The following DCLRE1C variants were observed in gnomAD, a reference collection of about 807,000 sequenced individuals.
The protein encoded by DCLRE1C is DNA cross-link repair 1C.
DCLRE1C carries 47 observed loss-of-function variants against 61.4 expected under a neutral mutation model. The observed-to-expected ratio is 0.77, with a 90% CI of 0.61 to 0.98. The LOEUF (loss-of-function observed/expected upper bound fraction) is 0.98, where lower values mean the gene tolerates loss of function less well. DCLRE1C is among the 50% of genes least tolerant of loss of function. The pLI is 0.00. For missense variants in DCLRE1C, 858 were observed against 816.0 expected, an observed-to-expected ratio of 1.05 and a Z score of -0.63; for synonymous variants, 337 against 287.6, an observed-to-expected ratio of 1.17 and a Z score of -1.74.
chr10:14,917,621 C>T (rs34414949), intron 13 of DCLRE1C, among the ~76,000 whole-genome samples: 47,666 of 151,888 alleles, frequency 0.31, 8,923 homozygotes, highest in African/African-American at 0.52. Context: ...CTCAGGAGTC[C>T]GAGACCAGCT....
intron 1 of DCLRE1C, among the ~76,000 whole-genome samples, chr10:14,953,195 C>A (rs1050482641): frequency 6.6e-6 from 1 of 152,166 alleles, no homozygotes; most frequent in African/African-American, 2.4e-5. Context: ...CTTGTTAGCA[C>A]AATAGAAGTG....
intron 9 of DCLRE1C, among the ~76,000 whole-genome samples, chr10:14,931,377 G>A (rs1838959110): frequency 2.0e-5 from 3 of 151,944 alleles, no homozygotes. Context: ...GGCCAATATG[G>A]TGAAACCCTG....
downstream of DCLRE1C, among the ~76,000 whole-genome samples, chr10:14,900,458 G>A (rs1274830144): frequency 6.6e-6 from 1 of 152,148 alleles, no homozygotes; most frequent in Non-Finnish European, 1.5e-5. Context: ...AGAAATTGGT[G>A]TATGATTAGC....
chr10:14,954,108 C>A, upstream of DCLRE1C: 1 of 1,583,444 alleles, frequency 6.3e-7, no homozygotes, highest in African/African-American at 1.3e-5. Flanking sequence ...CGCGCTGCCT[C>A]GCCATTGGGC....
chr10:14,946,214 G>A (rs1439443439), intron 2 of DCLRE1C, among the ~76,000 whole-genome samples: 3 of 150,722 alleles, frequency 2.0e-5, no homozygotes, highest in African/African-American at 4.9e-5. Context: ...CACCGTGTTG[G>A]CCAGGCTGGT....
intron 4 of DCLRE1C, among the ~76,000 whole-genome samples, chr10:14,937,893 C>CG (rs1460240504): frequency 4.9e-5 from 2 of 40,638 alleles, no homozygotes; most frequent in Non-Finnish European, 1.0e-4. Context: ...GGCTCAGTCT[C>CG]AAAAAAAAAA....
At position 14,908,770 on chromosome 10, in the gene DCLRE1C, A is replaced by G. The variant is rs746439600; in HGVS notation, c.1717T>C (p.Leu573=). The part of the protein sequence containing the change: ...QERNSGDITS[L]DKADYRPTIK... Reference sequence around the variant, plus strand: ...GTTGGTCTGTAGTCAGCTTTGTCCAAGGAAGTAATATCCCCACTGTTTCTC... The same window carrying G: ...GTTGGTCTGTAGTCAGCTTTGTCCAGGGAAGTAATATCCCCACTGTTTCTC... The change falls in exon 14 of 14, where the codon TTG becomes CTG. Residue 573 remains leucine (L), a synonymous_variant. Coordinates refer to ENST00000378278, the MANE Select transcript of DCLRE1C (RefSeq NM_001033855.3). 2.5e-6 allele frequency: 4 copies of G among 1,614,214 alleles called. No individual in the cohort carries two copies. Among genetic ancestry groups the G allele is most frequent in the East Asian group, 2.2e-5 (1 of 44,880 alleles).
At chr10:14,948,701 C>T (rs910179247) in intron 2 of DCLRE1C, among the ~76,000 whole-genome samples, 2 of 151,494 alleles carry the variant, frequency 1.3e-5, no homozygotes, top group African/African-American at 4.9e-5. Flanking sequence ...CATAGCAAAA[C>T]TCCATCTCTG....
At position 14,906,685 on chromosome 10, in the gene DCLRE1C, A is replaced by T. The variant is rs1330772418; in HGVS notation, c.*1723T>A. Among the ~76,000 whole-genome samples, 1 of 152,166 alleles carries T rather than the reference A, an allele frequency of 6.6e-6. No individual in the cohort carries two copies. The highest frequency in any genetic ancestry group is 1.5e-5 in the Non-Finnish European group (1 of 68,028). The stretch of plus-strand genomic sequence containing the variant: ...GATAATGCATATCAAGTGTTAGTTT[A>T]ACTGATCTGCAAATTGTTTTAAGTG... On this transcript the variant is annotated 3_prime_UTR_variant, in exon 14 of 14. Transcript: ENST00000378278.
intron 12 of DCLRE1C, chr10:14,920,455 C>G (rs1455435540): frequency 2.0e-6 from 2 of 997,298 alleles, no homozygotes; most frequent in Non-Finnish European, 2.4e-6. Flanking sequence ...CTACAACATA[C>G]CATTTGAACA....
chr10:14,919,702 AG>A, intron 13 of DCLRE1C, 35 bp downstream of exon 13: 1 of 1,510,512 alleles, frequency 6.6e-7, no homozygotes, highest in Non-Finnish European at 9.2e-7. Context: ...GTTTGCAGGG[AG>A]CCCACCCCTC....
downstream of DCLRE1C, chr10:14,902,660 C>T (rs373567048): frequency 2.9e-5 from 16 of 547,564 alleles, no homozygotes; most frequent in African/African-American, 2.3e-4. Context: ...AATGTATTAC[C>T]GATGCCTCTG....
chr10:14,935,977 T>C lies in DCLRE1C; in HGVS notation c.363-413A>G, dbSNP rs41297012. Among the ~76,000 whole-genome samples, 1,503 of 152,316 alleles carry C rather than the reference T, an allele frequency of 9.9e-3. 24 individuals are homozygous for C. Among genetic ancestry groups the C allele is most frequent in the African/African-American group, 0.033 (1,380 of 41,574 alleles). ...AGGCTGCAAGGCAGTGGCTCAATCT[T>C]GGCTCACTGCAACTTCCACCTTCTG... On this transcript the variant is annotated intron_variant, in intron 5 of 13. Transcript: ENST00000378278.
intron 11 of DCLRE1C, among the ~76,000 whole-genome samples, chr10:14,924,069 C>T (rs915443070): frequency 1.3e-5 from 2 of 152,228 alleles, no homozygotes; most frequent in African/African-American, 2.4e-5. Context: ...CATTGACACA[C>T]AGGCTTAAGT....
intron 12 of DCLRE1C, among the ~76,000 whole-genome samples, chr10:14,922,621 T>G (rs565385950): frequency 6.6e-6 from 1 of 152,294 alleles, no homozygotes; most frequent in South Asian, 2.1e-4. Context: ...TTTCTTACAC[T>G]ATCTCCCTGT....
At chr10:14,937,087 C>A (rs1327938883) in intron 4 of DCLRE1C, among the ~76,000 whole-genome samples, 4 of 152,050 alleles carry the variant, frequency 2.6e-5, no homozygotes, top group African/African-American at 9.7e-5. Flanking sequence ...TATGAAATAT[C>A]CGGAATAGGT....
At chr10:14,948,015 A>T (rs1841941232) in intron 2 of DCLRE1C, among the ~76,000 whole-genome samples, 1 of 152,154 alleles carries the variant, frequency 6.6e-6, no homozygotes, top group South Asian at 2.1e-4. Context: ...GTGCCACTGC[A>T]CTCCAGCCTG....
chr10:14,917,621 C>G (rs34414949), intron 13 of DCLRE1C, among the ~76,000 whole-genome samples: 1 of 151,834 alleles, frequency 6.6e-6, no homozygotes, highest in Non-Finnish European at 1.5e-5. Context: ...CTCAGGAGTC[C>G]GAGACCAGCT....
Position 14,908,574 on chromosome 10 carries a change from T to C in DCLRE1C, c.1913A>G (p.Asn638Ser). Residue 638 changes from asparagine to serine, a missense_variant, in exon 14 of 14, where the codon AAT becomes AGT. Around this residue, in one of 2 missense-constraint regions of DCLRE1C, gnomAD observed 843 missense variants for 783.5 expected, o/e 1.08. Transcript: ENST00000378278. ...THIPEEKSLL[N>S]LSTNADSQSS... ...CTGGGAATCTGCATTTGTGCTAAGA[T>C]TTAGCAAACTTTTTTCCTCGGGTAT... is the stretch of plus-strand genomic sequence containing the variant. The C allele has an allele frequency of 1.2e-6, 2 of 1,614,166 alleles. No homozygotes were observed. The highest frequency in any genetic ancestry group is 1.7e-6 in the Non-Finnish European group (2 of 1,180,028).
Sources: allele counts gnomAD v4.1 joint callset (sites outside exome capture counted in the v4.1 genomes callset), GRCh38; gene constraint gnomAD v4.1.1; regional missense constraint gnomAD v4.1.1; transcripts MANE v1.5; gene names NCBI Gene and HGNC (gene_info 2026-07-23, HGNC 2026-07-21).